The following TSC22D1 variants were observed in gnomAD, a reference collection of about 807,000 sequenced individuals.
TSC22D1 encodes the protein TSC22 domain family protein 1.
In TSC22D1, 9 loss-of-function variants were observed where a neutral mutation model predicts 74.2. The ratio of observed to expected loss-of-function variants is 0.12; its 90% CI spans 0.07 to 0.21. The LOEUF is 0.21. Among genes scored for constraint, TSC22D1 ranks in the 10% least tolerant of loss-of-function variants. The pLI, the probability that TSC22D1 is intolerant of heterozygous loss-of-function variation, is 1.00. For synonymous variants in TSC22D1, 586 were observed against 492.5 expected (o/e 1.19, Z -2.51); for missense variants, 1,427 against 1,304.7 (o/e 1.09, Z -1.44).
chr13:44,542,191 C>G (rs17065943), intron 1 of TSC22D1, among the ~76,000 whole-genome samples: 1,521 of 152,012 alleles, frequency 0.01, 26 homozygotes, highest in African/African-American at 0.035. Context: ...TCCTTCAGTT[C>G]TTGAATACTA....
intron 1 of TSC22D1, among the ~76,000 whole-genome samples, chr13:44,456,237 GA>G (rs1364132511): frequency 2.0e-5 from 3 of 152,220 alleles, no homozygotes; most frequent in Non-Finnish European, 2.9e-5. Flanking sequence ...TTCCACGGCG[GA>G]GAAGAAGACC....
chr13:44,441,460 A>C (rs935456259), intron 1 of TSC22D1, among the ~76,000 whole-genome samples: 3 of 152,186 alleles, frequency 2.0e-5, no homozygotes, highest in South Asian at 4.1e-4. Context: ...TTGTGGATTT[A>C]CCTTTTAAAA....
At chr13:44,439,049 G>A (rs1353702121) in intron 1 of TSC22D1, among the ~76,000 whole-genome samples, 1 of 152,136 alleles carries the variant, frequency 6.6e-6, no homozygotes, top group Non-Finnish European at 1.5e-5. Flanking sequence ...TATTCATGCC[G>A]TTCTTCAACA....
intron 1 of TSC22D1, among the ~76,000 whole-genome samples, chr13:44,471,738 T>C (rs1389580185): frequency 6.6e-6 from 1 of 152,214 alleles, no homozygotes; most frequent in Non-Finnish European, 1.5e-5. Flanking sequence ...TAAGTCTCCT[T>C]TGACAAATAA....
chr13:44,474,306 G>A, intron 1 of TSC22D1: 1 of 984,820 alleles, frequency 1.0e-6, no homozygotes, highest in Non-Finnish European at 1.2e-6. Flanking sequence ...AGGCCCAACT[G>A]ACACTCCTGG....
intron 1 of TSC22D1, among the ~76,000 whole-genome samples, chr13:44,456,564 A>C (rs1876663807): frequency 1.3e-5 from 2 of 152,222 alleles, no homozygotes. Context: ...CCGACCCAGA[A>C]GCCCAGCCGG....
At chr13:44,438,060 G>C (rs1468213200) in intron 1 of TSC22D1, among the ~76,000 whole-genome samples, 1 of 152,086 alleles carries the variant, frequency 6.6e-6, no homozygotes, top group African/African-American at 2.4e-5. Flanking sequence ...ATCAATTAAG[G>C]CTACAATTTA....
intron 1 of TSC22D1, among the ~76,000 whole-genome samples, chr13:44,559,939 G>A (rs1461880359): frequency 8.6e-5 from 13 of 151,512 alleles, no homozygotes; most frequent in African/African-American, 1.9e-4. Context: ...TGATCCGCCC[G>A]CCTTGGCCTC....
chr13:44,536,926 G>GAAAAAAAAAAAA lies in TSC22D1; in HGVS notation c.2912+36225_2912+36236dup, dbSNP rs10596156. On this transcript the variant is annotated intron_variant, in intron 1 of 2. Transcript: ENST00000458659. Reference sequence around the variant, plus strand: ...TAACAGTTCAAAAAAGTATTTTTCTGAAAAAAAAAAAAAAAAAAAAAAAAA... The same window carrying GAAAAAAAAAAAA: ...TAACAGTTCAAAAAAGTATTTTTCTGAAAAAAAAAAAAAAAAAAAAAAAAAAAAAAAAAAAAA... The GAAAAAAAAAAAA allele has an allele frequency of 4.2e-4, 209 of 494,908 alleles. 1 individual carries two copies. The highest frequency in any genetic ancestry group is 1.2e-3 in the Middle Eastern group (1 of 830). 30.7% of individuals were successfully genotyped at this position (494,908 alleles called of 1,614,324 possible). A position where few individuals can be genotyped will look rare whatever the true frequency, so the allele number is the denominator to read the frequency against.
chr13:44,444,304 A>AAAAAAAAAG (rs1875451694), intron 1 of TSC22D1, among the ~76,000 whole-genome samples: 1 of 140,848 alleles, frequency 7.1e-6, no homozygotes, highest in African/African-American at 2.7e-5. Flanking sequence ...AAAAAAAAAA[A>AAAAAAAAAG]AAAAGAAAAG....
intron 1 of TSC22D1, among the ~76,000 whole-genome samples, chr13:44,563,151 T>C (rs1325317302): frequency 6.6e-6 from 1 of 152,054 alleles, no homozygotes; most frequent in Non-Finnish European, 1.5e-5. Flanking sequence ...CTTAAGGTTA[T>C]AACTGCTTAT....
At chr13:44,512,141 A>C (rs965144912) in intron 1 of TSC22D1, among the ~76,000 whole-genome samples, 1 of 149,806 alleles carries the variant, frequency 6.7e-6, no homozygotes, top group African/African-American at 2.5e-5. Flanking sequence ...CTACTTGGAT[A>C]TTTATTTCTT....
intron 1 of TSC22D1, among the ~76,000 whole-genome samples, chr13:44,492,401 T>C (rs921409467): frequency 6.6e-6 from 1 of 152,182 alleles, no homozygotes; most frequent in South Asian, 2.1e-4. Flanking sequence ...TTTTGCACCA[T>C]TGTAAAGTTG....
At chr13:44,545,724 C>G (rs971749440) in intron 1 of TSC22D1, among the ~76,000 whole-genome samples, 8 of 152,110 alleles carry the variant, frequency 5.3e-5, no homozygotes, top group Admixed American at 1.3e-4. Flanking sequence ...CACCTGTAAT[C>G]TCAGCATTCT....
In TSC22D1 at chr13:44,435,792, C is replaced by A. The variant is rs141701166; in HGVS notation, c.2964+252G>T. The A allele has an allele frequency of 1.5e-3, 811 of 540,986 alleles. 7 individuals are homozygous for A. Among genetic ancestry groups the A allele is most frequent in the African/African-American group, 0.015 (747 of 51,464 alleles). 33.5% of individuals were successfully genotyped at this position (540,986 alleles called of 1,614,324 possible). On this transcript the variant is annotated intron_variant, in intron 2 of 2. Transcript: ENST00000458659. ...AATAAATCCCCAGCAAAAAGGGTCA[C>A]CGTGAGAAAATCCCGTCGTGTGAAA...
chr13:44,439,086 T>C (rs767635322), intron 1 of TSC22D1, among the ~76,000 whole-genome samples: 2 of 152,232 alleles, frequency 1.3e-5, no homozygotes, highest in Non-Finnish European at 1.5e-5. Flanking sequence ...TTTATTTCAA[T>C]CATTTTAACT....
chr13:44,575,678 C>G lies in TSC22D1; in HGVS notation c.397G>C (p.Glu133Gln), dbSNP rs1884169913. The change falls in exon 1 of 3, where the codon GAG becomes CAG. Residue 133 changes from glutamate to glutamine, a missense_variant. By Grantham distance (29) the Glu-to-Gln change is conservative. Around this residue, in one of 3 missense-constraint regions of TSC22D1, gnomAD observed 1,343 missense variants for 1,191.5 expected, o/e 1.13. Transcript: ENST00000458659. ...AGATCATCATAGCTCTCAGTGTCCT[C>G]TGCTATACTGTTGTTAGAGCTGATA... ...ASISSNNSIA[E>Q]DTESYDDLDE... 6.2e-7 allele frequency: 1 copy of G among 1,614,216 alleles called. No homozygotes were observed. The highest frequency in any genetic ancestry group is 8.5e-7 in the Non-Finnish European group (1 of 1,180,044).
intron 1 of TSC22D1, among the ~76,000 whole-genome samples, chr13:44,472,618 C>G (rs374280071): frequency 6.6e-6 from 1 of 152,084 alleles, no homozygotes; most frequent in East Asian, 1.9e-4. Context: ...GAATTTGAGA[C>G]CACCCTGGAC....
chr13:44,547,502 A>C (rs1263522960), intron 1 of TSC22D1, among the ~76,000 whole-genome samples: 1 of 152,222 alleles, frequency 6.6e-6, no homozygotes, highest in Non-Finnish European at 1.5e-5. Context: ...AGGTGAACAA[A>C]AAAGCAAAAG....
Sources: allele counts gnomAD v4.1 joint callset (sites outside exome capture counted in the v4.1 genomes callset), GRCh38; gene constraint gnomAD v4.1.1; regional missense constraint gnomAD v4.1.1; transcripts MANE v1.5; gene names NCBI Gene and HGNC (gene_info 2026-07-23, HGNC 2026-07-21).